The following ISG20L2 variants were observed in gnomAD, a reference collection of about 807,000 sequenced individuals.
ISG20L2 encodes interferon-stimulated 20 kDa exonuclease-like 2.
Under a neutral mutation model 27.8 loss-of-function variants are expected in ISG20L2, and 14 were observed. That is an observed-to-expected ratio of 0.50 (90% confidence interval 0.33 to 0.79). The LOEUF is 0.79. Among genes scored for constraint, ISG20L2 ranks in the 30% least tolerant of loss-of-function variants. The pLI, the probability that ISG20L2 is intolerant of heterozygous loss-of-function variation, is 0.02. For missense variants in ISG20L2, 393 were observed against 435.1 expected (o/e 0.90, Z 0.86); for synonymous variants, 157 against 165.7 (o/e 0.95, Z 0.40).
intron 2 of ISG20L2, 71 bp from the exon 3 acceptor site, chr1:156,724,419 A>G: frequency 2.1e-6 from 3 of 1,448,886 alleles, no homozygotes; most frequent in Non-Finnish European, 1.9e-6. Flanking sequence ...TGAAAGCCCA[A>G]CATGACCATC....
Position 156,727,757 on chromosome 1 carries a change from T to A in ISG20L2, c.-105A>T, listed in dbSNP as rs1648863182. The A allele has an allele frequency of 1.3e-6, 2 of 1,513,016 alleles. No homozygotes were observed. The highest frequency in any genetic ancestry group is 1.8e-6 in the Non-Finnish European group (2 of 1,141,704). The allele number at this position is 1,513,016 out of a possible 1,614,324, so 93.7% of individuals were successfully genotyped here. ...AATCCTACTGTCCAACATGTGGAGG[T>A]CTGTAGTACACCCTGGGGAAGAAAG... is the stretch of plus-strand genomic sequence containing the variant. On this transcript the variant is annotated 5_prime_UTR_variant, in exon 2 of 4. Transcript: ENST00000368219.
chr1:156,727,437 C>A lies in ISG20L2; in HGVS notation c.216G>T (p.Lys72Asn). 6.2e-7 allele frequency: 1 copy of A among 1,614,034 alleles called. No homozygotes were observed. The highest frequency in any genetic ancestry group is 1.7e-5 in the Admixed American group (1 of 59,968). Residue 72 changes from lysine to asparagine, a missense_variant, in exon 2 of 4, where the codon AAG becomes AAT. Physicochemically the swap from Lys to Asn is moderately conservative, Grantham distance 94. Coordinates refer to ENST00000368219, the MANE Select transcript of ISG20L2 (RefSeq NM_001370150.2). The part of the protein sequence containing the change: ...GETPTVDGTW[K>N]TPSFPKKKTA... The stretch of plus-strand genomic sequence containing the variant: ...TCTTCTTTTTTGGGAAGGAAGGGGT[C>A]TTCCAAGTGCCATCGACCGTAGGAG...
intron 3 of ISG20L2, 58 bp downstream of exon 3, chr1:156,724,090 A>C: frequency 7.0e-7 from 1 of 1,431,358 alleles, no homozygotes; most frequent in Non-Finnish European, 9.8e-7. Flanking sequence ...GAGTCTGGCT[A>C]GGGGCATCAA....
In ISG20L2 at chr1:156,724,108, C is replaced by T. The variant is rs1310960585; in HGVS notation, c.948+40G>A. 1.9e-6 allele frequency: 3 copies of T among 1,546,806 alleles called. No individual in the cohort carries two copies. The Admixed American group carries it at 5.0e-5, about 26-fold the overall frequency. The stretch of plus-strand genomic sequence containing the variant: ...TCTGGCTAGGGGCATCAACGAGAGC[C>T]ATGTCCAAGATGGGGGCGGGGGATG... On this transcript the variant is annotated intron_variant, in intron 3 of 3. Transcript: ENST00000368219.
intron 2 of ISG20L2, 194 bp from the exon 3 acceptor site, chr1:156,724,542 T>C (rs1463615131): frequency 6.4e-6 from 9 of 1,396,624 alleles, no homozygotes. Context: ...GTGATTTCCA[T>C]GGTATACCCT....
At position 156,727,277 on chromosome 1, in the gene ISG20L2, G is replaced by A. The variant is rs1336283892; in HGVS notation, c.376C>T (p.Leu126Phe). Residue 126 changes from leucine to phenylalanine, a missense_variant, in exon 2 of 4, where the codon CTT (leucine) becomes TTT (phenylalanine). By Grantham distance (22) the Leu-to-Phe change is conservative (BLOSUM62 0). Around this residue, in one of 3 missense-constraint regions of ISG20L2, gnomAD observed 183 missense variants for 168.2 expected, o/e 1.09. Coordinates refer to ENST00000368219, the MANE Select transcript of ISG20L2 (RefSeq NM_001370150.2). Reference sequence around the variant, plus strand: ...GTTGGGTGGCTATTGATCTTTGGAAGGGCACTCTGGAACTCCCCCAGCAAA... The same window carrying A: ...GTTGGGTGGCTATTGATCTTTGGAAAGGCACTCTGGAACTCCCCCAGCAAA... Reference protein sequence around the residue: ...VDLLGEFQSALPKINSHPTRS... With the variant: ...VDLLGEFQSAFPKINSHPTRS... The A allele has an allele frequency of 1.2e-6, 2 of 1,614,108 alleles. No individual in the cohort carries two copies. The highest frequency in any genetic ancestry group is 2.2e-5 in the South Asian group (2 of 91,086).
In ISG20L2 at chr1:156,723,781, C is replaced by T. The variant is rs145056687; in HGVS notation, c.949-319G>A. On this transcript the variant is annotated intron_variant, in intron 3 of 3. Transcript: ENST00000368219. ...TCCACTTTCCCTAGTTCCTTAACTG[C>T]TCTATATGTGACATATGTCCCCATC... The T allele has an allele frequency of 4.1e-6, 4 of 985,444 alleles. No homozygotes were observed. In the African/African-American group the frequency reaches 5.2e-5, roughly 13 times the overall value. The allele number at this position is 985,444 out of a possible 1,614,324, so 61.0% of individuals were successfully genotyped here.
chr1:156,727,591 C>T lies in ISG20L2; in HGVS notation c.62G>A (p.Gly21Glu). The change falls in exon 2 of 4, where the codon GGA becomes GAA. Residue 21 changes from glycine (G) to glutamate (E), a missense_variant. Coordinates refer to ENST00000368219, the MANE Select transcript of ISG20L2 (RefSeq NM_001370150.2). Reference sequence around the variant, plus strand: ...GACAAAATTTCGGTGCTTGGCATTTCCTTCTAATGCCTTTTTGGGAGGAGG... The same window carrying T: ...GACAAAATTTCGGTGCTTGGCATTTTCTTCTAATGCCTTTTTGGGAGGAGG... ...GEPPPKKALE[G>E]NAKHRNFVKK... The T allele has an allele frequency of 6.2e-7, 1 of 1,614,094 alleles. No individual in the cohort carries two copies. Among genetic ancestry groups the T allele is most frequent in the East Asian group, 2.2e-5 (1 of 44,890 alleles).
At chr1:156,725,925 CAG>C (rs1260893433) in intron 2 of ISG20L2, 27 of 985,422 alleles carry the variant, frequency 2.7e-5, no homozygotes, top group Non-Finnish European at 3.1e-5. Flanking sequence ...CCAGAGAGGG[CAG>C]AGTGTGGACC....
At chr1:156,725,251 T>C (rs974687553) in intron 2 of ISG20L2, 1 of 152,122 alleles carries the variant, frequency 6.6e-6, no homozygotes, top group Non-Finnish European at 1.5e-5. Flanking sequence ...CACCTGGCCT[T>C]CAGGTAACTT....
chr1:156,724,460 T>C, intron 2 of ISG20L2, 112 bp from the exon 3 acceptor site: 1 of 1,384,422 alleles, frequency 7.2e-7, no homozygotes, highest in Non-Finnish European at 9.6e-7. Flanking sequence ...ACCAACTGCC[T>C]ACCTCTCCAT....
chr1:156,727,610 G>T lies in ISG20L2; in HGVS notation c.43C>A (p.Pro15Thr), dbSNP rs1164550587. Residue 15 changes from proline to threonine, a missense_variant, in exon 2 of 4, where the codon CCC becomes ACC. By Grantham distance (38) the Pro-to-Thr change is conservative. Around this residue, in one of 3 missense-constraint regions of ISG20L2, gnomAD observed 183 missense variants for 168.2 expected, o/e 1.09. Coordinates refer to ENST00000368219, the MANE Select transcript of ISG20L2 (RefSeq NM_001370150.2). ...LLNLDFGEPP[P>T]KKALEGNAKH... ...GCATTTCCTTCTAATGCCTTTTTGG[G>T]AGGAGGTTCCCCAAAATCCAGATTG... 2 of 1,613,866 alleles carry T rather than the reference G, an allele frequency of 1.2e-6. No individual in the cohort carries two copies. Among genetic ancestry groups the T allele is most frequent in the Non-Finnish European group, 1.7e-6 (2 of 1,179,956 alleles).
chr1:156,727,450 T>G lies in ISG20L2; in HGVS notation c.203A>C (p.Asp68Ala). The G allele has an allele frequency of 6.2e-7, 1 of 1,613,998 alleles. No individual in the cohort carries two copies. The highest frequency in any genetic ancestry group is 8.5e-7 in the Non-Finnish European group (1 of 1,179,984). ...GAAGGAAGGGGTCTTCCAAGTGCCA[T>G]CGACCGTAGGAGTTTCCCCTTTCTT... ...PSKKGETPTV[D>A]GTWKTPSFPK... Residue 68 changes from aspartate to alanine, a missense_variant, in exon 2 of 4, where the codon GAT becomes GCT. Transcript: ENST00000368219.
chr1:156,724,760 A>G (rs1325946489), intron 2 of ISG20L2: 24 of 916,248 alleles, frequency 2.6e-5, no homozygotes, highest in Non-Finnish European at 3.1e-5. Flanking sequence ...GAGGCTAACA[A>G]AAGCCCAAAA....
chr1:156,724,616 T>G, intron 2 of ISG20L2: 1 of 1,211,574 alleles, frequency 8.3e-7, no homozygotes. Context: ...TGACATTAAT[T>G]TGCCTTCAGT....
Position 156,727,125 on chromosome 1 carries a change from T to A in ISG20L2, c.528A>T (p.Pro176=), listed in dbSNP as rs1191800405. 1 of 1,614,194 alleles carries A rather than the reference T, an allele frequency of 6.2e-7. No individual in the cohort carries two copies. Among genetic ancestry groups the A allele is most frequent in the Admixed American group, 1.7e-5 (1 of 60,030 alleles). ...NKCSGASQKL[P]RKMVAIDCEM... Reference sequence around the variant, plus strand: ...CACAGTCAATTGCCACCATCTTCCGTGGCAACTTCTGGGATGCTCCGGAGC... The same window carrying A: ...CACAGTCAATTGCCACCATCTTCCGAGGCAACTTCTGGGATGCTCCGGAGC... The change falls in exon 2 of 4, where the codon CCA becomes CCT. Residue 176 remains proline, a synonymous_variant. Transcript: ENST00000368219.
In ISG20L2 at chr1:156,726,995, AG is replaced by A. The variant is rs1326791623; in HGVS notation, c.657del (p.Cys220AlafsTer19). 1.9e-6 allele frequency: 3 copies of A among 1,614,096 alleles called. No homozygotes were observed. Among genetic ancestry groups the A allele is most frequent in the East Asian group, 2.2e-5 (1 of 44,898 alleles). On this transcript the variant is annotated frameshift_variant, in exon 2 of 4. Transcript: ENST00000368219. LOFTEE classifies it high-confidence loss of function. ...CTGGTTCGGTAGTCCACAATGTGGC[AG>A]GGGGGAAGAATGTACTCGTCATAAA... Reference protein sequence around the residue: ...DVLYDEYILPPCHIVDYRTRW... With the variant: ...DVLYDEYILPXCHIVDYRTRW...
At chr1:156,723,507 T>C in intron 3 of ISG20L2, 45 bp from the exon 4 acceptor site, 1 of 1,611,782 alleles carries the variant, frequency 6.2e-7, no homozygotes, top group African/African-American at 1.3e-5. Flanking sequence ...AAAGAAACCG[T>C]TTCTTCCTTC....
chr1:156,724,532 G>A, intron 2 of ISG20L2, 184 bp from the exon 3 acceptor site: 1 of 1,408,732 alleles, frequency 7.1e-7, no homozygotes, highest in Non-Finnish European at 9.2e-7. Flanking sequence ...TCTTCCACAG[G>A]TGATTTCCAT....
Sources: gnomAD v4.1 joint callset for allele counts on GRCh38, gnomAD v4.1.1 for gene constraint, gnomAD v4.1.1 regional missense constraint, MANE v1.5 for transcripts, NCBI Gene and HGNC (gene_info 2026-07-23, HGNC 2026-07-21) for gene names.